The following SLC38A9 variants were observed in gnomAD, a reference collection of about 807,000 sequenced individuals.
The protein encoded by SLC38A9 is solute carrier family 38 member 9.
SLC38A9 carries 48 observed loss-of-function variants against 62.3 expected under a neutral mutation model. That is an observed-to-expected ratio of 0.77 (90% CI 0.61 to 0.98). The LOEUF is 0.98. Among genes scored for constraint, SLC38A9 ranks in the 50% least tolerant of loss-of-function variants. The pLI is 0.00. For missense variants in SLC38A9, 541 were observed against 679.8 expected, an observed-to-expected ratio of 0.80 and a Z score of 2.27; for synonymous variants, 204 against 227.7, an observed-to-expected ratio of 0.90 and a Z score of 0.94.
chr5:55,649,510 C>CT (rs1304232843), intron 10 of SLC38A9, among the ~76,000 whole-genome samples, 196 bp from the exon 11 acceptor site: 1 of 151,836 alleles, frequency 6.6e-6, no homozygotes, highest in Admixed American at 6.6e-5. Flanking sequence ...ACAAAACACT[C>CT]TATGTAGTAG....
At chr5:55,668,093 G>A (rs1056175565) in intron 7 of SLC38A9, among the ~76,000 whole-genome samples, 1 of 152,136 alleles carries the variant, frequency 6.6e-6, no homozygotes, top group African/African-American at 2.4e-5. Flanking sequence ...AATCACCTGT[G>A]CCCGGGAAGT....
intron 2 of SLC38A9, among the ~76,000 whole-genome samples, chr5:55,701,674 G>A (rs1756666322): frequency 6.6e-6 from 1 of 152,216 alleles, no homozygotes; most frequent in South Asian, 2.1e-4. Context: ...GAATTAAAGG[G>A]AGTGCTACTG....
Position 55,654,917 on chromosome 5 carries a change from A to G in SLC38A9, c.757+1798T>C, listed in dbSNP as rs533375388. 2.0e-4 allele frequency among the ~76,000 whole-genome samples: 31 copies of G among 152,198 alleles called. No homozygotes were observed. In the South Asian group the frequency reaches 6.4e-3, roughly 32 times the overall value. On this transcript the variant is annotated intron_variant, in intron 9 of 15. Coordinates refer to ENST00000396865, the MANE Select transcript of SLC38A9 (RefSeq NM_173514.4). ...CAGTGGCGTAACTATGGCTCACTGT[A>G]GCCTCAACCCCTCAGGCTCAAGTGA...
At chr5:55,674,188 G>A (rs1469593631) in intron 3 of SLC38A9, among the ~76,000 whole-genome samples, 1 of 152,110 alleles carries the variant, frequency 6.6e-6, no homozygotes, top group East Asian at 1.9e-4. Flanking sequence ...GTTCTCTACC[G>A]CAAAACCTAA....
At chr5:55,656,833 C>G (rs567091648) in intron 8 of SLC38A9, 59 bp from the exon 9 acceptor site, 1 of 803,894 alleles carries the variant, frequency 1.2e-6, no homozygotes, top group Admixed American at 2.9e-5. Flanking sequence ...AATCTATTAC[C>G]CTTTAAGGTC....
At chr5:55,666,294 A>G (rs1277774926) in intron 7 of SLC38A9, among the ~76,000 whole-genome samples, 2 of 152,232 alleles carry the variant, frequency 1.3e-5, no homozygotes, top group Non-Finnish European at 2.9e-5. Flanking sequence ...TTAGTAATAT[A>G]AACTTTTTGT....
rs543198799 is a variant in SLC38A9, at chr5:55,664,624, A to G, written c.697+69T>C. On this transcript the variant is annotated intron_variant, in intron 8 of 15. Coordinates refer to ENST00000396865, the MANE Select transcript of SLC38A9 (RefSeq NM_173514.4). ...ATCCCAAGTCCTAGAATTTAAGGCT[A>G]GAACTAACATTACAGTGGTAATAGT... 7.1e-6 allele frequency: 6 copies of G among 846,714 alleles called. No individual in the cohort carries two copies. The East Asian group carries it at 1.5e-4, about 22-fold the overall frequency. 52.5% of individuals were successfully genotyped at this position (846,714 alleles called of 1,614,324 possible).
At chr5:55,711,987 C>T (rs1476680219) in intron 1 of SLC38A9, among the ~76,000 whole-genome samples, 1 of 152,218 alleles carries the variant, frequency 6.6e-6, no homozygotes, top group Non-Finnish European at 1.5e-5. Context: ...TCCTGACTTT[C>T]TTTCCCTGAG....
intron 4 of SLC38A9, among the ~76,000 whole-genome samples, chr5:55,671,119 T>C (rs894751827): frequency 6.6e-6 from 1 of 152,180 alleles, no homozygotes; most frequent in Non-Finnish European, 1.5e-5. Context: ...CAGAATGTTC[T>C]TATTTTCAGT....
intron 8 of SLC38A9, among the ~76,000 whole-genome samples, chr5:55,658,597 C>G (rs932641216): frequency 6.6e-6 from 1 of 152,190 alleles, no homozygotes; most frequent in Non-Finnish European, 1.5e-5. Context: ...TAGGAAGAGG[C>G]AAGGAAGGAT....
intron 2 of SLC38A9, chr5:55,704,552 G>C (rs1301441230): frequency 9.2e-6 from 1 of 108,468 alleles, no homozygotes; most frequent in African/African-American, 3.0e-5. Flanking sequence ...TGAACTTAAC[G>C]AAGGTTAATA....
intron 6 of SLC38A9, 31 bp from the exon 7 acceptor site, chr5:55,669,352 A>T (rs777391117): frequency 8.4e-6 from 13 of 1,541,910 alleles, no homozygotes; most frequent in African/African-American, 1.4e-5. Context: ...AAAACAGCAT[A>T]TATCATCATG....
intron 8 of SLC38A9, among the ~76,000 whole-genome samples, chr5:55,663,944 A>G (rs2150299455): frequency 6.6e-6 from 1 of 152,292 alleles, no homozygotes; most frequent in Non-Finnish European, 1.5e-5. Context: ...GCTGCTAAAC[A>G]TATATTAAAC....
At chr5:55,658,280 A>T (rs1653083761) in intron 8 of SLC38A9, among the ~76,000 whole-genome samples, 1 of 152,162 alleles carries the variant, frequency 6.6e-6, no homozygotes, top group African/African-American at 2.4e-5. Context: ...CAGCCTCCCG[A>T]GTAGCTGGGA....
intron 12 of SLC38A9, among the ~76,000 whole-genome samples, chr5:55,643,551 A>C (rs1390022168): frequency 6.6e-6 from 1 of 152,224 alleles, no homozygotes; most frequent in Non-Finnish European, 1.5e-5. Context: ...AAATAGGTTG[A>C]CAGTGTTTTT....
Position 55,627,900 on chromosome 5 carries a change from C to A in SLC38A9, c.1511G>T (p.Gly504Val). Residue 504 changes from glycine (G) to valine (V), a missense_variant, in exon 15 of 16, where the codon GGG (glycine) becomes GTG (valine). Transcript: ENST00000396865. Reference protein sequence around the residue: ...IMACFYPNIGGIIRYSGAACG... With the variant: ...IMACFYPNIGVIIRYSGAACG... ...CCTTACAAGGCAGTACCTTATGATC[C>A]CTCCTATGTTTGGGTAGAAACAGGC... 4 of 1,605,192 alleles carry A rather than the reference C, an allele frequency of 2.5e-6. No individual in the cohort carries two copies. The highest frequency in any genetic ancestry group is 2.2e-5 in the South Asian group (2 of 90,490).
intron 3 of SLC38A9, chr5:55,692,660 T>C: frequency 1.0e-6 from 1 of 985,340 alleles, no homozygotes; most frequent in Non-Finnish European, 1.2e-6. Context: ...ATAGAAAATA[T>C]ATTGCCATTT....
At position 55,663,682 on chromosome 5, in the gene SLC38A9, G is replaced by A. The variant is rs369280799; in HGVS notation, c.697+1011C>T. Among the ~76,000 whole-genome samples, 104 of 152,216 alleles carry A rather than the reference G, an allele frequency of 6.8e-4. 1 individual carries two copies. In the South Asian group the frequency reaches 0.021, roughly 30 times the overall value. Reference sequence around the variant, plus strand: ...TGGGAGGTGGATGTTGCAGTGATCCGAGATCGCGCCACAGCACTCCAGCCT... The same window carrying A: ...TGGGAGGTGGATGTTGCAGTGATCCAAGATCGCGCCACAGCACTCCAGCCT... On this transcript the variant is annotated intron_variant, in intron 8 of 15. Coordinates refer to ENST00000396865, the MANE Select transcript of SLC38A9 (RefSeq NM_173514.4).
At chr5:55,640,795 C>T (rs779265294) in intron 12 of SLC38A9, among the ~76,000 whole-genome samples, 1 of 139,610 alleles carries the variant, frequency 7.2e-6, no homozygotes, top group African/African-American at 2.9e-5. Context: ...AATACTCTTA[C>T]TGTCAGTTAT....
Sources: gnomAD v4.1 joint callset for allele counts (sites outside exome capture counted in the v4.1 genomes callset) on GRCh38, gnomAD v4.1.1 for gene constraint, MANE v1.5 for transcripts, NCBI Gene and HGNC (gene_info 2026-07-23, HGNC 2026-07-21) for gene names.